Variants in MRTFA observed in about 807,000 individuals in gnomAD.
MRTFA encodes myocardin related transcription factor A.
Under a neutral mutation model 83.5 loss-of-function variants are expected in MRTFA, and 20 were observed. That is an observed-to-expected ratio of 0.24 (90% CI 0.17 to 0.35). The LOEUF (loss-of-function observed/expected upper bound fraction) is 0.35. MRTFA is among the 10% of genes least tolerant of loss of function. The pLI, the probability that MRTFA is intolerant of heterozygous loss-of-function variation, is 1.00. For missense variants in MRTFA, 1,200 were observed against 1,224.7 expected, an observed-to-expected ratio of 0.98 and a Z score of 0.30; for synonymous variants, 659 against 541.2, an observed-to-expected ratio of 1.22 and a Z score of -3.02.
intron 14 of MRTFA, chr22:40,412,397 T>C (rs189360743): frequency 6.7e-4 from 102 of 152,442 alleles, no homozygotes; most frequent in Non-Finnish European, 1.1e-3. Context: ...GTGCAGCTGC[T>C]ATGAAAAACA....
chr22:40,544,546 C>G (rs1028803111), intron 3 of MRTFA, among the ~76,000 whole-genome samples: 9 of 152,014 alleles, frequency 5.9e-5, no homozygotes, highest in Non-Finnish European at 1.3e-4. Context: ...GATTCTTAAT[C>G]AAAAGACAGG....
chr22:40,576,905 ACACT>A (rs1466528160), intron 2 of MRTFA, among the ~76,000 whole-genome samples: 8 of 152,146 alleles, frequency 5.3e-5, no homozygotes, highest in African/African-American at 1.9e-4. Context: ...ACATAGTGAG[ACACT>A]CATCTCTATA....
intron 4 of MRTFA, among the ~76,000 whole-genome samples, chr22:40,461,492 A>G (rs2053711159): frequency 6.6e-6 from 1 of 151,798 alleles, no homozygotes; most frequent in Non-Finnish European, 1.5e-5. Context: ...ATCTCTTAAA[A>G]ATTAAAATGA....
chr22:40,457,920 T>C (rs1408255609), intron 4 of MRTFA, among the ~76,000 whole-genome samples: 3 of 152,232 alleles, frequency 2.0e-5, no homozygotes, highest in African/African-American at 7.2e-5. Flanking sequence ...ATGTTTTCCT[T>C]TGAAAGGTTA....
At chr22:40,472,886 G>C (rs2147170505) in intron 3 of MRTFA, among the ~76,000 whole-genome samples, 1 of 152,238 alleles carries the variant, frequency 6.6e-6, no homozygotes, top group African/African-American at 2.4e-5. Flanking sequence ...CCCAAGCTCT[G>C]GCTAAAAATT....
At chr22:40,615,731 C>A (rs2056441511) in intron 1 of MRTFA, among the ~76,000 whole-genome samples, 1 of 149,442 alleles carries the variant, frequency 6.7e-6, no homozygotes, top group Non-Finnish European at 1.5e-5. Flanking sequence ...GTCACCCAGG[C>A]TGGAGTACAA....
At position 40,420,493 on chromosome 22, in the gene MRTFA, G is replaced by A. The variant is rs777694014; in HGVS notation, c.1265C>T (p.Ala422Val). 1.2e-6 allele frequency: 2 copies of A among 1,613,814 alleles called. No homozygotes were observed. Among genetic ancestry groups the A allele is most frequent in the Non-Finnish European group, 1.7e-6 (2 of 1,180,044 alleles). The change falls in exon 11 of 15, where the codon GCC (alanine) becomes GTC (valine). Residue 422 changes from alanine (A) to valine (V), a missense_variant. Ala to Val is a moderately conservative substitution (Grantham distance 64, BLOSUM62 0). This residue lies in a region of MRTFA where 1,107 missense variants were observed against 1,041.8 expected (regional missense o/e 1.06). Transcript: ENST00000355630. ...ACGTGCCAGCCCACAGGGCCCAGGG[G>A]CGCCCGAGCTGGAGCTGCTATTGGT...
At chr22:40,584,461 G>C (rs939917219) in intron 2 of MRTFA, among the ~76,000 whole-genome samples, 10 of 152,328 alleles carry the variant, frequency 6.6e-5, no homozygotes, top group African/African-American at 2.4e-4. Flanking sequence ...TCTCAGGCAG[G>C]CGTGGTGGCT....
chr22:40,476,069 G>A (rs962445705), intron 3 of MRTFA, among the ~76,000 whole-genome samples: 3 of 151,834 alleles, frequency 2.0e-5, no homozygotes, highest in Non-Finnish European at 2.9e-5. Flanking sequence ...GCATGAACCC[G>A]GGAGGCGGAG....
At chr22:40,456,083 C>A (rs1220505688) in intron 4 of MRTFA, among the ~76,000 whole-genome samples, 2 of 152,054 alleles carry the variant, frequency 1.3e-5, no homozygotes, top group Non-Finnish European at 2.9e-5. Context: ...GCATAAGCCA[C>A]CAGGCTCAGC....
At chr22:40,557,529 G>A (rs150147678) in intron 2 of MRTFA, among the ~76,000 whole-genome samples, 1 of 152,258 alleles carries the variant, frequency 6.6e-6, no homozygotes, top group Admixed American at 6.5e-5. Context: ...CTAGCACTCT[G>A]GGAAGCTGAG....
intron 3 of MRTFA, among the ~76,000 whole-genome samples, chr22:40,528,443 T>C (rs2055016746): frequency 6.6e-6 from 1 of 152,046 alleles, no homozygotes; most frequent in Non-Finnish European, 1.5e-5. Flanking sequence ...ATCCCTTAAA[T>C]ATAAAACTAA....
At chr22:40,501,942 C>T in intron 3 of MRTFA, among the ~76,000 whole-genome samples, 1 of 106,664 alleles carries the variant, frequency 9.4e-6, no homozygotes, top group South Asian at 3.6e-4. Context: ...GGCAGAGGCG[C>T]CCCTCACCTC....
chr22:40,563,909 A>G (rs2055665882), intron 2 of MRTFA, among the ~76,000 whole-genome samples: 1 of 152,172 alleles, frequency 6.6e-6, no homozygotes, highest in African/African-American at 2.4e-5. Flanking sequence ...TGGAAAAAAG[A>G]AATATGCGGT....
At chr22:40,526,162 C>G (rs76792972) in intron 3 of MRTFA, 2 of 151,984 alleles carry the variant, frequency 1.3e-5, no homozygotes, top group African/African-American at 4.8e-5. Context: ...ACTACAAGCA[C>G]ATGCCATCAT....
chr22:40,418,164 G>A (rs997986272), intron 12 of MRTFA, among the ~76,000 whole-genome samples: 4 of 152,222 alleles, frequency 2.6e-5, no homozygotes, highest in Admixed American at 1.3e-4. Flanking sequence ...GAGAGGTGGG[G>A]AGCTCACCAA....
intron 2 of MRTFA, among the ~76,000 whole-genome samples, chr22:40,560,351 A>C (rs189302059): frequency 1.3e-5 from 2 of 152,354 alleles, no homozygotes; most frequent in Admixed American, 6.5e-5. Context: ...AGATTAGAAA[A>C]TAGACCAGAA....
chr22:40,455,704 C>T (rs1320535040), intron 4 of MRTFA, among the ~76,000 whole-genome samples: 1 of 148,712 alleles, frequency 6.7e-6, no homozygotes, highest in Non-Finnish European at 1.5e-5. Flanking sequence ...TAGTGGGAGT[C>T]AGCAGGATGA....
chr22:40,502,102 C>T (rs1247314908), intron 3 of MRTFA, among the ~76,000 whole-genome samples: 26 of 130,620 alleles, frequency 2.0e-4, no homozygotes, highest in African/African-American at 5.6e-4. Context: ...CCAGTAGGGG[C>T]GGCCGGGCAG....
Sources: allele counts gnomAD v4.1 joint callset (sites outside exome capture counted in the v4.1 genomes callset), GRCh38; gene constraint gnomAD v4.1.1; regional missense constraint gnomAD v4.1.1; transcripts MANE v1.5; gene names NCBI Gene and HGNC (gene_info 2026-07-23, HGNC 2026-07-21).